EPHA5: variants seen among roughly 807,000 people sequenced by gnomAD.
The protein encoded by EPHA5 is ephrin type-A receptor 5.
In EPHA5, 60 loss-of-function variants were observed where a neutral mutation model predicts 105.0. The ratio of observed to expected loss-of-function variants is 0.57; its 90% CI spans 0.46 to 0.71. The LOEUF is 0.71. Among genes scored for constraint, EPHA5 ranks in the 30% least tolerant of loss-of-function variants. EPHA5 has a pLI of 0.00. For missense variants in EPHA5, 1,218 were observed against 1,274.7 expected, an observed-to-expected ratio of 0.96 and a Z score of 0.68; for synonymous variants, 513 against 449.1, an observed-to-expected ratio of 1.14 and a Z score of -1.80.
chr4:65,386,954 A>AT (rs1232957490), intron 8 of EPHA5, among the ~76,000 whole-genome samples: 1 of 147,398 alleles, frequency 6.8e-6, no homozygotes, highest in Non-Finnish European at 1.5e-5. Flanking sequence ...CCTGCAATAT[A>AT]AAAAAAAAAG....
Position 65,342,685 on chromosome 4 carries a change from AT to A in EPHA5, c.2595+5368del, listed in dbSNP as rs568413221. 5.2e-3 allele frequency among the ~76,000 whole-genome samples: 795 copies of A among 151,984 alleles called. 5 individuals are homozygous for A. The highest frequency in any genetic ancestry group is 9.2e-3 in the Non-Finnish European group (624 of 67,916). On this transcript the variant is annotated intron_variant, in intron 14 of 16. Coordinates refer to ENST00000613740, the MANE Select transcript of EPHA5 (RefSeq NM_001281766.3). The stretch of plus-strand genomic sequence containing the variant: ...ATGTATATACATCAACATATACAAT[AT>A]ACATAAACATATAAGCAATATACAT...
chr4:65,532,669 CAG>C (rs1289231722), intron 3 of EPHA5, among the ~76,000 whole-genome samples: 1 of 82,148 alleles, frequency 1.2e-5, no homozygotes, highest in South Asian at 4.5e-4. Flanking sequence ...GTATTGGTTA[CAG>C]TTTTTTTTTT....
chr4:65,539,429 C>A (rs1266157177), intron 3 of EPHA5, among the ~76,000 whole-genome samples: 1 of 151,526 alleles, frequency 6.6e-6, no homozygotes, highest in South Asian at 2.1e-4. Context: ...CTAGGTGTGA[C>A]AAAATGATCC....
At chr4:65,517,618 G>T (rs565577226) in intron 3 of EPHA5, among the ~76,000 whole-genome samples, 2 of 151,488 alleles carry the variant, frequency 1.3e-5, no homozygotes, top group African/African-American at 4.8e-5. Flanking sequence ...CTTCTTCATT[G>T]TGGAATACTG....
chr4:65,406,436 T>C (rs1560503141), intron 7 of EPHA5, among the ~76,000 whole-genome samples: 2 of 152,136 alleles, frequency 1.3e-5, no homozygotes, highest in Admixed American at 6.6e-5. Flanking sequence ...TTGGTTTCTA[T>C]GGCATCAGAC....
At chr4:65,635,633 A>C (rs967120974) in intron 2 of EPHA5, among the ~76,000 whole-genome samples, 1 of 152,166 alleles carries the variant, frequency 6.6e-6, no homozygotes, top group African/African-American at 2.4e-5. Context: ...TTTCTAAGAC[A>C]TGAGATCACA....
intron 1 of EPHA5, among the ~76,000 whole-genome samples, chr4:65,657,391 G>C (rs1215710741): frequency 2.0e-5 from 3 of 152,152 alleles, no homozygotes; most frequent in Non-Finnish European, 4.4e-5. Context: ...TAAGAAAGCA[G>C]AGGTCTTGGG....
At chr4:65,362,505 A>G (rs1305980499) in intron 11 of EPHA5, among the ~76,000 whole-genome samples, 1 of 151,722 alleles carries the variant, frequency 6.6e-6, no homozygotes, top group East Asian at 1.9e-4. Context: ...GCAAATAAAT[A>G]TTGTTGGTAT....
chr4:65,532,642 T>C (rs1180931387), intron 3 of EPHA5, among the ~76,000 whole-genome samples: 4 of 150,976 alleles, frequency 2.6e-5, no homozygotes, highest in Non-Finnish European at 5.9e-5. Context: ...CAATTTTCGT[T>C]GAATCTCTCA....
chr4:65,382,977 A>G (rs2148934127), intron 8 of EPHA5, among the ~76,000 whole-genome samples: 1 of 150,902 alleles, frequency 6.6e-6, no homozygotes, highest in Non-Finnish European at 1.5e-5. Context: ...GCTTATAAAT[A>G]ATATGTTCTT....
chr4:65,347,142 G>A (rs945652914), intron 14 of EPHA5, among the ~76,000 whole-genome samples: 1 of 151,642 alleles, frequency 6.6e-6, no homozygotes, highest in African/African-American at 2.4e-5. Context: ...CATGAGAGAG[G>A]GAGGTTTTAT....
intron 3 of EPHA5, among the ~76,000 whole-genome samples, chr4:65,502,601 G>C (rs1732607708): frequency 6.6e-6 from 1 of 151,844 alleles, no homozygotes; most frequent in African/African-American, 2.4e-5. Flanking sequence ...GAAAACAACA[G>C]ATGATGGTGA....
chr4:65,561,961 T>C (rs1375834559), intron 3 of EPHA5, among the ~76,000 whole-genome samples: 1 of 152,096 alleles, frequency 6.6e-6, no homozygotes, highest in East Asian at 1.9e-4. Flanking sequence ...CTAGTGATCA[T>C]CCAAATCTGA....
At chr4:65,628,525 C>G (rs999438960) in intron 2 of EPHA5, among the ~76,000 whole-genome samples, 1 of 151,998 alleles carries the variant, frequency 6.6e-6, no homozygotes, top group Non-Finnish European at 1.5e-5. Flanking sequence ...TTATTTTGAT[C>G]ATAATAACCT....
At chr4:65,393,488 C>A (rs774837272) in intron 8 of EPHA5, among the ~76,000 whole-genome samples, 1 of 152,216 alleles carries the variant, frequency 6.6e-6, no homozygotes, top group Non-Finnish European at 1.5e-5. Flanking sequence ...CTTCCAACCT[C>A]ATGGGCCTCT....
At chr4:65,391,394 T>C (rs912745295) in intron 8 of EPHA5, among the ~76,000 whole-genome samples, 1 of 152,146 alleles carries the variant, frequency 6.6e-6, no homozygotes, top group Non-Finnish European at 1.5e-5. Context: ...TTTTCTTTTT[T>C]TCCTGGTTCA....
chr4:65,659,319 GAAAAAAAAAAAAAAAAAAAAAAA>G (rs5858980), intron 1 of EPHA5, among the ~76,000 whole-genome samples: 2 of 71,602 alleles, frequency 2.8e-5, no homozygotes, highest in South Asian at 5.9e-4. Flanking sequence ...TAGAGTAACA[GAAAAAAAAAAAAAAAAAAAAAAA>G]AAAAAAAAAA....
intron 5 of EPHA5, among the ~76,000 whole-genome samples, chr4:65,478,764 A>G (rs908558797): frequency 2.0e-5 from 3 of 152,026 alleles, no homozygotes; most frequent in Admixed American, 2.0e-4. Context: ...GAGCCAAGGG[A>G]CCCGGCTTTG....
At chr4:65,608,060 G>A (rs80303538) in intron 2 of EPHA5, among the ~76,000 whole-genome samples, 4,919 of 152,116 alleles carry the variant, frequency 0.032, 259 homozygotes, top group African/African-American at 0.11. Flanking sequence ...GGGAGTGGGC[G>A]GCTAGGGGAG....
Sources: allele counts gnomAD v4.1 joint callset (sites outside exome capture counted in the v4.1 genomes callset), GRCh38; gene constraint gnomAD v4.1.1; transcripts MANE v1.5; gene names NCBI Gene and HGNC (gene_info 2026-07-23, HGNC 2026-07-21).